The following NOM1 variants were observed in gnomAD, a reference collection of about 807,000 sequenced individuals.
NOM1 encodes the protein nucleolar MIF4G domain-containing protein 1.
NOM1 carries 58 observed loss-of-function variants against 73.3 expected under a neutral mutation model. The ratio of observed to expected loss-of-function variants is 0.79; its 90% CI spans 0.64 to 0.99. The LOEUF is 0.99. Among genes scored for constraint, NOM1 ranks in the 50% least tolerant of loss-of-function variants. NOM1 has a pLI of 0.00. For missense variants in NOM1, 1,226 were observed against 1,131.9 expected (o/e 1.08, Z -1.19); for synonymous variants, 487 against 446.8 (o/e 1.09, Z -1.14).
intron 3 of NOM1, 141 bp from the exon 4 acceptor site, chr7:156,959,710 T>G (rs1804815406): frequency 3.9e-6 from 3 of 778,674 alleles, no homozygotes; most frequent in Non-Finnish European, 6.2e-6. Context: ...GGCCGGCTGC[T>G]CTGGGTTGCC....
At chr7:156,964,110 C>CT (rs1804938528) in intron 7 of NOM1, 84 bp downstream of exon 7, 23 of 1,447,714 alleles carry the variant, frequency 1.6e-5, no homozygotes, top group Non-Finnish European at 2.2e-5. Flanking sequence ...TTTTGGACGA[C>CT]TGAGTCTGAT....
At chr7:156,960,515 C>A (rs1241675014) in intron 4 of NOM1, among the ~76,000 whole-genome samples, 1 of 152,142 alleles carries the variant, frequency 6.6e-6, no homozygotes, top group East Asian at 1.9e-4. Context: ...CTCAGTTTCC[C>A]CCTCTGTAAA....
chr7:156,959,743 C>T (rs1804816337), intron 3 of NOM1, 108 bp from the exon 4 acceptor site: 3 of 1,132,452 alleles, frequency 2.6e-6, no homozygotes, highest in Non-Finnish European at 3.8e-6. Flanking sequence ...GTTGGAATGC[C>T]CTGCCTTGTG....
At chr7:156,954,522 C>CTTT (rs34176770) in intron 3 of NOM1, among the ~76,000 whole-genome samples, 1,303 of 101,624 alleles carry the variant, frequency 0.013, 83 homozygotes, top group African/African-American at 0.048. Flanking sequence ...TCTGTCCATT[C>CTTT]TTTTTTTTTT....
chr7:156,968,408 G>A (rs138015844), intron 9 of NOM1, among the ~76,000 whole-genome samples: 2,259 of 152,108 alleles, frequency 0.015, 32 homozygotes, highest in Middle Eastern at 0.051. Context: ...CCGCGTCCTC[G>A]GGTCCGCAAG....
intron 7 of NOM1, among the ~76,000 whole-genome samples, chr7:156,965,319 A>G (rs369954026): frequency 6.6e-6 from 1 of 152,202 alleles, no homozygotes; most frequent in African/African-American, 2.4e-5. Flanking sequence ...GATACTTACT[A>G]CTTGGCATCA....
Position 156,972,338 on chromosome 7 carries a change from T to C in NOM1, c.*2635T>C, listed in dbSNP as rs947413237. On this transcript the variant is annotated 3_prime_UTR_variant, in exon 11 of 11. Transcript: ENST00000275820. ...CACCACCTGATTTCATGATGTACCA[T>C]ATGCAGTAACCCATGTTTGAGGTAC... 3.9e-5 allele frequency: 6 copies of C among 152,254 alleles called. No individual in the cohort carries two copies. Among genetic ancestry groups the C allele is most frequent in the Non-Finnish European group, 7.3e-5 (5 of 68,050 alleles). The allele number at this position is 152,254 out of a possible 1,614,324, so 9.4% of individuals were successfully genotyped here.
chr7:156,966,270 G>T lies in NOM1; in HGVS notation c.2034G>T (p.Lys678Asn). 6.2e-7 allele frequency: 1 copy of T among 1,613,624 alleles called. No homozygotes were observed. Among genetic ancestry groups the T allele is most frequent in the Non-Finnish European group, 8.5e-7 (1 of 1,180,024 alleles). ...DFLDAFEKLLKLGLKDQQERE... is the reference protein window; with the variant it reads ...DFLDAFEKLLNLGLKDQQERE... ...CAGTCATTGCTGTTCTGTTTTCTAGGCTTGGACTTAAGGATCAGCAGGAGA... is the reference window on the plus strand; with the variant it reads ...CAGTCATTGCTGTTCTGTTTTCTAGTCTTGGACTTAAGGATCAGCAGGAGA... The change falls in exon 8 of 11, where the codon AAG becomes AAT. Residue 678 changes from lysine (K) to asparagine (N), a missense_variant and splice_region_variant. By Grantham distance (94) the Lys-to-Asn change is moderately conservative (BLOSUM62 0). Coordinates refer to ENST00000275820, the MANE Select transcript of NOM1 (RefSeq NM_138400.2).
chr7:156,972,882 G>A lies in NOM1; in HGVS notation c.*3179G>A, dbSNP rs959909944. The A allele has an allele frequency of 5.3e-5, 8 of 152,192 alleles. No homozygotes were observed. The highest frequency in any genetic ancestry group is 8.8e-5 in the Non-Finnish European group (6 of 68,032). 9.4% of individuals were successfully genotyped at this position (152,192 alleles called of 1,614,324 possible). A position where few individuals can be genotyped will look rare whatever the true frequency, so the allele number is the denominator to read the frequency against. On this transcript the variant is annotated 3_prime_UTR_variant, in exon 11 of 11. Transcript: ENST00000275820. Reference sequence around the variant, plus strand: ...GCTGTTAGATAGTAATTGTAATTTCGTATAAATAGTAAATGAGTACATCTT... The same window carrying A: ...GCTGTTAGATAGTAATTGTAATTTCATATAAATAGTAAATGAGTACATCTT...
rs1471494876 is a variant in NOM1, at chr7:156,950,538, A to C, written c.801A>C (p.Val267=). 2 of 1,613,632 alleles carry C rather than the reference A, an allele frequency of 1.2e-6. No homozygotes were observed. Among genetic ancestry groups the C allele is most frequent in the South Asian group, 2.2e-5 (2 of 91,058 alleles). Residue 267 remains valine (V), a synonymous_variant, in exon 1 of 11, where the codon GTA becomes GTC. Transcript: ENST00000275820. ...GTGAGGAGGAGGAGGAGGGAGACGT[A>C]GAAAAGGAAAAGAAGGCGCAGGAAG... The part of the protein sequence containing the change: ...DESEEEEEGD[V]EKEKKAQEAE...
chr7:156,967,236 C>T, intron 9 of NOM1, 144 bp downstream of exon 9: 1 of 947,742 alleles, frequency 1.1e-6, no homozygotes, highest in Non-Finnish European at 1.5e-6. Flanking sequence ...CTAGCCAGGA[C>T]AGAAAACGGC....
Position 156,969,926 on chromosome 7 carries a change from A to C in NOM1, c.*223A>C. ...GTGAGAGGAGAAGGAGGGAGGGAAA[A>C]GGGGTCAGGCACACTGGACAGGGTT... On this transcript the variant is annotated 3_prime_UTR_variant, in exon 11 of 11. Transcript: ENST00000275820. The C allele has an allele frequency of 2.7e-6, 1 of 370,238 alleles. No individual in the cohort carries two copies. 22.9% of individuals were successfully genotyped at this position (370,238 alleles called of 1,614,324 possible). A position where few individuals can be genotyped will look rare whatever the true frequency, so the allele number is the denominator to read the frequency against.
Position 156,950,690 on chromosome 7 carries a change from A to C in NOM1, c.953A>C (p.Glu318Ala), listed in dbSNP as rs989738200. 1.9e-6 allele frequency: 3 copies of C among 1,551,620 alleles called. No homozygotes were observed. The highest frequency in any genetic ancestry group is 2.0e-5 in the Admixed American group (1 of 50,976). Residue 318 changes from glutamate (E) to alanine (A), a missense_variant, in exon 1 of 11, where the codon GAA (glutamate) becomes GCA (alanine). Physicochemically the swap from Glu to Ala is moderately radical, Grantham distance 107. Transcript: ENST00000275820. ...VRFAEDEEKS[E>A]NSSEDGDITD... ...TTTGCAGAAGATGAAGAAAAGAGTG[A>C]AAATTCCTCGGAGGACGGTGACATA...
At chr7:156,956,433 C>T (rs912538885) in intron 3 of NOM1, among the ~76,000 whole-genome samples, 4 of 152,176 alleles carry the variant, frequency 2.6e-5, no homozygotes, top group Non-Finnish European at 4.4e-5. Flanking sequence ...CCACAATAAG[C>T]GCTCATTGAA....
chr7:156,957,834 C>G (rs929575024), intron 3 of NOM1, among the ~76,000 whole-genome samples: 5 of 147,780 alleles, frequency 3.4e-5, no homozygotes, highest in African/African-American at 9.8e-5. Context: ...TGTTTTATGC[C>G]TAAATTTTTA....
rs1474433684 is a variant in NOM1, at chr7:156,949,824, G to A, written c.87G>A (p.Gly29=). The A allele has an allele frequency of 6.9e-7, 1 of 1,446,544 alleles. No homozygotes were observed. The highest frequency in any genetic ancestry group is 2.7e-5 in the Admixed American group (1 of 36,646). 89.6% of individuals were successfully genotyped at this position (1,446,544 alleles called of 1,614,324 possible). The change falls in exon 1 of 11, where the codon GGG becomes GGA. Residue 29 remains glycine (G), a synonymous_variant. Transcript: ENST00000275820. ...GCATGAAGCGCAGAGGCGGGCGCGG[G>A]CCGCGCCGCGGTCCTGCTGGCGGTG... ...VVRMKRRGGR[G]PRRGPAGGGE...
In NOM1 at chr7:156,949,755, C is replaced by G. The variant is rs762408384; in HGVS notation, c.18C>G (p.Ser6Arg). 9.3e-6 allele frequency: 13 copies of G among 1,393,932 alleles called. No individual in the cohort carries two copies. Among genetic ancestry groups the G allele is most frequent in the Middle Eastern group, 4.8e-4 (2 of 4,170 alleles). 86.3% of individuals were successfully genotyped at this position (1,393,932 alleles called of 1,614,324 possible). A position where few individuals can be genotyped will look rare whatever the true frequency, so the allele number is the denominator to read the frequency against. ...TTCGAAAGATGGCGGCGTCCAGGAG[C>G]GCGGGAGAGGCCGGCCCGGGCGGCT... MAASRSAGEAGPGGSQ... is the reference protein window; with the variant it reads MAASRRAGEAGPGGSQ... Residue 6 changes from serine to arginine, a missense_variant, in exon 1 of 11, where the codon AGC becomes AGG. Transcript: ENST00000275820.
At chr7:156,966,095 G>T in intron 7 of NOM1, 175 bp from the exon 8 acceptor site, 1 of 704,216 alleles carries the variant, frequency 1.4e-6, no homozygotes, top group Non-Finnish European at 2.4e-6. Flanking sequence ...CTGAGGACCA[G>T]AGAGGTTGTG....
At chr7:156,955,390 G>A (rs1337902007) in intron 3 of NOM1, among the ~76,000 whole-genome samples, 3 of 152,202 alleles carry the variant, frequency 2.0e-5, no homozygotes, top group Admixed American at 1.3e-4. Flanking sequence ...GTTGGTGAAC[G>A]AATGGAGGGT....
Sources: gnomAD v4.1 joint callset for allele counts (sites outside exome capture counted in the v4.1 genomes callset) on GRCh38, gnomAD v4.1.1 for gene constraint, MANE v1.5 for transcripts, NCBI Gene and HGNC (gene_info 2026-07-23, HGNC 2026-07-21) for gene names.